Variants in MACF1 observed in about 807,000 individuals in gnomAD.
MACF1 encodes the protein microtubule-actin cross-linking factor 1.
MACF1 carries 193 observed loss-of-function variants against 854.8 expected under a neutral mutation model. The ratio of observed to expected loss-of-function variants is 0.23; its 90% CI spans 0.20 to 0.25. The LOEUF is 0.25. Ranked by LOEUF, MACF1 falls within the 10% of genes least tolerant of loss-of-function variation. The pLI is 1.00. For missense variants in MACF1, 7,722 were observed against 8,929.1 expected (o/e 0.86, Z 5.45); for synonymous variants, 3,185 against 3,226.7 (o/e 0.99, Z 0.44).
intron 16 of MACF1, 68 bp downstream of exon 16, chr1:39,292,106 C>T: frequency 1.3e-6 from 2 of 1,554,572 alleles, no homozygotes; most frequent in Non-Finnish European, 1.7e-6. Flanking sequence ...ACAGTACACA[C>T]AATAAAGCTG....
intron 2 of MACF1, among the ~76,000 whole-genome samples, chr1:39,156,795 A>C (rs1293769198): frequency 1.3e-5 from 2 of 152,146 alleles, no homozygotes; most frequent in East Asian, 3.8e-4. Context: ...TAACCTGTTA[A>C]TCTTGCCTAT....
chr1:39,352,211 TTAATC>T (rs1647204874), intron 43 of MACF1, among the ~76,000 whole-genome samples: 1 of 152,168 alleles, frequency 6.6e-6, no homozygotes, highest in South Asian at 2.1e-4. Context: ...CATAACCTAT[TTAATC>T]TATTAAAATA....
In MACF1 at chr1:39,164,366, C is replaced by T. The variant is rs557475511; in HGVS notation, c.221-66816C>T. Reference sequence around the variant, plus strand: ...AGGCTATCTGTAACACTGAATACCTCTCTGATAGCTCTTGGCCCCTTGTCC... The same window carrying T: ...AGGCTATCTGTAACACTGAATACCTTTCTGATAGCTCTTGGCCCCTTGTCC... On this transcript the variant is annotated intron_variant, in intron 2 of 93. Coordinates refer to the MACF1 transcript ENST00000361689. Among the ~76,000 whole-genome samples the T allele has an allele frequency of 4.2e-4, 64 of 152,332 alleles. 1 individual carries two copies. The South Asian group carries it at 0.013, about 32-fold the overall frequency.
chr1:39,158,709 G>A (rs1643737906), intron 2 of MACF1, among the ~76,000 whole-genome samples: 1 of 152,180 alleles, frequency 6.6e-6, no homozygotes, highest in Non-Finnish European at 1.5e-5. Flanking sequence ...TTGTGGTCCC[G>A]TAGCTCATTT....
rs756737787 is a variant in MACF1, at chr1:39,459,138, T to C, written c.21249T>C (p.Ser7083=). Residue 7083 remains serine, a synonymous_variant, in exon 91 of 101, where the codon TCT becomes TCC. Coordinates refer to ENST00000564288, the MANE Select transcript of MACF1 (RefSeq NM_001394062.1). The part of the protein sequence containing the change: ...TPPPMPILSQ[S]EAKNPRINQL... ...CTCCCATGCCAATCCTTTCACAGTC[T>C]GAAGCAAAAAACCCACGGATCAACC... The C allele has an allele frequency of 1.9e-6, 3 of 1,614,006 alleles. No individual in the cohort carries two copies. Among genetic ancestry groups the C allele is most frequent in the Non-Finnish European group, 8.5e-7 (1 of 1,180,008 alleles).
chr1:39,439,618 T>G, intron 72 of MACF1, 118 bp downstream of exon 72: 1 of 756,898 alleles, frequency 1.3e-6, no homozygotes, highest in Non-Finnish European at 2.1e-6. Context: ...AAGGTTTTTG[T>G]TTTTGTTTTT....
At chr1:39,386,554 C>T (rs996706212) in intron 57 of MACF1, among the ~76,000 whole-genome samples, 4 of 152,266 alleles carry the variant, frequency 2.6e-5, no homozygotes, top group African/African-American at 7.2e-5. Flanking sequence ...GCCTCAGCCT[C>T]CCAAGTAGCT....
At chr1:39,235,178 G>T (rs1482412386) in intron 2 of MACF1, among the ~76,000 whole-genome samples, 1 of 150,414 alleles carries the variant, frequency 6.6e-6, no homozygotes. Flanking sequence ...AGGTTGTAGC[G>T]AGCCGAGATC....
At chr1:39,420,603 C>T (rs1643496472) in intron 58 of MACF1, among the ~76,000 whole-genome samples, 1 of 152,188 alleles carries the variant, frequency 6.6e-6, no homozygotes, top group African/African-American at 2.4e-5. Context: ...CTTTCCCTCC[C>T]TGGTAATCTT....
At chr1:39,326,700 A>G (rs112698410) in intron 35 of MACF1, among the ~76,000 whole-genome samples, 23 of 150,322 alleles carry the variant, frequency 1.5e-4, no homozygotes, top group South Asian at 4.2e-4. Context: ...AAAAAAAAAA[A>G]AGAGAGAAGA....
At position 39,465,190 on chromosome 1, in the gene MACF1, G is replaced by C. The variant is rs181520507; in HGVS notation, c.21771+78G>C. On this transcript the variant is annotated intron_variant, in intron 95 of 100. Transcript: ENST00000564288. The stretch of plus-strand genomic sequence containing the variant: ...TAATGCTGCCTGTTCTTCGCTATGG[G>C]GAGAGGATGTAATCTGAAGCATGCC... 4.9e-6 allele frequency: 7 copies of C among 1,421,414 alleles called. No homozygotes were observed. The Admixed American group carries it at 1.2e-4, about 24-fold the overall frequency. The allele number at this position is 1,421,414 out of a possible 1,614,324, so 88.1% of individuals were successfully genotyped here. A position where few individuals can be genotyped will look rare whatever the true frequency, so the allele number is the denominator to read the frequency against.
chr1:39,360,609 G>C (rs377626740), intron 47 of MACF1, among the ~76,000 whole-genome samples, 184 bp from the exon 48 acceptor site: 1 of 151,116 alleles, frequency 6.6e-6, no homozygotes, highest in Non-Finnish European at 1.5e-5. Flanking sequence ...GGCTGAAGTA[G>C]GAAGATTGCT....
chr1:39,323,364 G>A (rs903929724), intron 33 of MACF1, among the ~76,000 whole-genome samples: 4 of 151,506 alleles, frequency 2.6e-5, no homozygotes, highest in African/African-American at 7.3e-5. Context: ...CACATACCCC[G>A]TAAATATATA....
chr1:39,406,178 C>A (rs1307947835), intron 58 of MACF1, among the ~76,000 whole-genome samples: 2 of 152,114 alleles, frequency 1.3e-5, no homozygotes, highest in African/African-American at 4.8e-5. Context: ...TATGTAATTT[C>A]TCTTTAGGTT....
intron 2 of MACF1, among the ~76,000 whole-genome samples, chr1:39,179,257 C>A (rs147633760): frequency 2.4e-3 from 360 of 152,302 alleles, no homozygotes; most frequent in African/African-American, 8.0e-3. Flanking sequence ...CCCCGTGTTG[C>A]TCTAGGAAAA....
intron 51 of MACF1, among the ~76,000 whole-genome samples, chr1:39,371,816 C>CTTT (rs570266079): frequency 3.6e-5 from 5 of 137,744 alleles, no homozygotes; most frequent in African/African-American, 8.0e-5. Context: ...TCTTTCTTTG[C>CTTT]TTTTTTTTTT....
intron 58 of MACF1, among the ~76,000 whole-genome samples, chr1:39,400,981 A>C (rs1642456642): frequency 6.6e-6 from 1 of 152,192 alleles, no homozygotes. Context: ...AAGTGGATGG[A>C]TAGAGAGCCT....
chr1:39,168,709 A>T (rs1643907249), intron 2 of MACF1, among the ~76,000 whole-genome samples: 1 of 152,114 alleles, frequency 6.6e-6, no homozygotes, highest in Non-Finnish European at 1.5e-5. Context: ...CAGTTTTTTC[A>T]TCTGTAAAAT....
chr1:39,235,555 G>C (rs189734090), intron 2 of MACF1, among the ~76,000 whole-genome samples: 1 of 152,222 alleles, frequency 6.6e-6, no homozygotes, highest in Non-Finnish European at 1.5e-5. Context: ...ACCAAGTCCA[G>C]TTAATCACTT....
Sources: allele counts gnomAD v4.1 joint callset (sites outside exome capture counted in the v4.1 genomes callset), GRCh38; gene constraint gnomAD v4.1.1; transcripts MANE v1.5; gene names NCBI Gene and HGNC (gene_info 2026-07-23, HGNC 2026-07-21).